The following CPQ variants were observed in gnomAD, a reference collection of about 807,000 sequenced individuals.
CPQ encodes carboxypeptidase Q, also known as Ser-Met dipeptidase.
In CPQ, 37 loss-of-function variants were observed where a neutral mutation model predicts 45.7. The ratio of observed to expected loss-of-function variants is 0.81; its 90% confidence interval spans 0.62 to 1.07. The LOEUF is 1.07. CPQ is among the 50% of genes least tolerant of loss of function. CPQ has a pLI of 0.00. For missense variants in CPQ, 537 were observed against 572.9 expected (o/e 0.94, Z 0.64); for synonymous variants, 186 against 205.8 (o/e 0.90, Z 0.82).
chr8:97,029,763 C>T (rs917993476), intron 6 of CPQ, among the ~76,000 whole-genome samples: 1 of 152,064 alleles, frequency 6.6e-6, no homozygotes, highest in African/African-American at 2.4e-5. Context: ...TTTTTCAAGT[C>T]TACCTAGTTC....
At chr8:96,751,518 T>C (rs765898866) in intron 1 of CPQ, among the ~76,000 whole-genome samples, 23 of 152,232 alleles carry the variant, frequency 1.5e-4, no homozygotes, top group Non-Finnish European at 2.9e-4. Context: ...TTTAAGTTCT[T>C]TGTAGATTCT....
At chr8:97,137,826 T>C (rs944743324) in intron 7 of CPQ, among the ~76,000 whole-genome samples, 1 of 152,018 alleles carries the variant, frequency 6.6e-6, no homozygotes, top group African/African-American at 2.4e-5. Context: ...GAGGCGGAGC[T>C]TGCAGTGAGC....
chr8:96,675,423 G>C (rs1327895775), intron 1 of CPQ, among the ~76,000 whole-genome samples: 2 of 151,862 alleles, frequency 1.3e-5, no homozygotes, highest in African/African-American at 2.4e-5. Flanking sequence ...TGTTCTAATT[G>C]GTACGTTACA....
chr8:97,046,253 C>T (rs143898636), intron 6 of CPQ, among the ~76,000 whole-genome samples: 104 of 151,510 alleles, frequency 6.9e-4, no homozygotes, highest in African/African-American at 2.5e-3. Flanking sequence ...CTAAGCAGAT[C>T]GGAACTTCTA....
intron 1 of CPQ, among the ~76,000 whole-genome samples, chr8:96,780,040 C>G (rs931457810): frequency 2.0e-5 from 3 of 152,150 alleles, no homozygotes; most frequent in African/African-American, 7.2e-5. Context: ...CTCTTATACT[C>G]TGGGAAGCTA....
At chr8:96,925,923 C>T (rs893746593) in intron 4 of CPQ, among the ~76,000 whole-genome samples, 2 of 135,480 alleles carry the variant, frequency 1.5e-5, no homozygotes, top group African/African-American at 5.6e-5. Flanking sequence ...CTCCTGACCT[C>T]GTGATCTGCC....
intron 5 of CPQ, among the ~76,000 whole-genome samples, chr8:96,992,384 G>T (rs1402818901): frequency 6.6e-6 from 1 of 152,170 alleles, no homozygotes; most frequent in Admixed American, 6.5e-5. Context: ...GGAAGCCCAT[G>T]TAGTTGACAA....
chr8:96,809,990 T>G (rs1811141305), intron 2 of CPQ, among the ~76,000 whole-genome samples: 1 of 152,160 alleles, frequency 6.6e-6, no homozygotes, highest in African/African-American at 2.4e-5. Flanking sequence ...TGTTTCTCTC[T>G]TTGTTATCAT....
chr8:97,125,058 A>T (rs535797257), intron 7 of CPQ, among the ~76,000 whole-genome samples: 7 of 152,306 alleles, frequency 4.6e-5, no homozygotes, highest in Admixed American at 3.9e-4. Flanking sequence ...CTCAGGTGTG[A>T]AACAGGACAC....
At chr8:96,961,870 A>T (rs1292271412) in intron 4 of CPQ, among the ~76,000 whole-genome samples, 1 of 152,302 alleles carries the variant, frequency 6.6e-6, no homozygotes. Flanking sequence ...ACATCCTCTG[A>T]GGCTATTTCC....
Position 96,950,498 on chromosome 8 carries a change from C to G in CPQ, c.850-15437C>G, listed in dbSNP as rs550536967. 7.9e-5 allele frequency among the ~76,000 whole-genome samples: 12 copies of G among 152,124 alleles called. No homozygotes were observed. The South Asian group carries it at 2.5e-3, about 32-fold the overall frequency. ...CAGCTGAAGGCTGAGGTTGGAGGGT[C>G]TCCTCCTCCCCTCTCCCCAGTAGAA... is the stretch of plus-strand genomic sequence containing the variant. On this transcript the variant is annotated intron_variant, in intron 4 of 7. Transcript: ENST00000220763.
intron 4 of CPQ, among the ~76,000 whole-genome samples, chr8:96,937,020 C>A (rs1331585414): frequency 6.6e-6 from 1 of 152,034 alleles, no homozygotes; most frequent in African/African-American, 2.4e-5. Flanking sequence ...CCTTTCCTTC[C>A]TCCCTTTTTC....
chr8:96,731,300 A>G (rs1355693051), intron 1 of CPQ, among the ~76,000 whole-genome samples: 1 of 152,194 alleles, frequency 6.6e-6, no homozygotes, highest in Admixed American at 6.5e-5. Context: ...CTAAAGTTGG[A>G]TATATGCTAG....
intron 1 of CPQ, among the ~76,000 whole-genome samples, chr8:96,694,072 G>A (rs1274605349): frequency 6.6e-6 from 1 of 152,044 alleles, no homozygotes; most frequent in Non-Finnish European, 1.5e-5. Context: ...GATGGTATTT[G>A]CAAGCCTCAT....
At chr8:96,820,701 T>G (rs1563505233) in intron 2 of CPQ, among the ~76,000 whole-genome samples, 2 of 152,126 alleles carry the variant, frequency 1.3e-5, no homozygotes, top group Non-Finnish European at 2.9e-5. Context: ...GTTTTCTTTC[T>G]TCATTCATCT....
intron 1 of CPQ, among the ~76,000 whole-genome samples, chr8:96,732,021 G>A (rs1197387639): frequency 6.6e-6 from 1 of 152,120 alleles, no homozygotes; most frequent in Non-Finnish European, 1.5e-5. Context: ...GGTTGTAAGT[G>A]TTCAGGGAGA....
chr8:96,717,029 ATATATATATATATATAT>A (rs1563477615), intron 1 of CPQ, among the ~76,000 whole-genome samples: 43 of 12,804 alleles, frequency 3.4e-3, no homozygotes, highest in Admixed American at 6.6e-3. Flanking sequence ...ATATAAATAT[ATATATATATATATATAT>A]ATATATATAT....
intron 1 of CPQ, among the ~76,000 whole-genome samples, chr8:96,749,285 C>A (rs1242712200): frequency 1.3e-5 from 2 of 152,154 alleles, no homozygotes; most frequent in South Asian, 2.1e-4. Context: ...ACCAAGTGAT[C>A]TGGCTTTTCT....
chr8:96,923,825 A>C (rs1289363549), intron 4 of CPQ, among the ~76,000 whole-genome samples: 1 of 152,202 alleles, frequency 6.6e-6, no homozygotes, highest in Non-Finnish European at 1.5e-5. Flanking sequence ...AAACAACAAA[A>C]TAATAAAGGT....
Sources: allele counts gnomAD v4.1 joint callset (sites outside exome capture counted in the v4.1 genomes callset), GRCh38; gene constraint gnomAD v4.1.1; transcripts MANE v1.5; gene names NCBI Gene and HGNC (gene_info 2026-07-23, HGNC 2026-07-21).